UNC79: variants seen among roughly 807,000 people sequenced by gnomAD.
UNC79 encodes the protein unc-79 subunit of NALCN channel complex.
A neutral mutation model predicts 283.1 loss-of-function variants in UNC79; 37 were observed. That is an observed-to-expected ratio of 0.13 (90% CI 0.10 to 0.17). The LOEUF is 0.17. Ranked by LOEUF, UNC79 falls within the 10% of genes least tolerant of loss-of-function variation. UNC79 has a pLI of 1.00. For synonymous variants in UNC79, 1,107 were observed against 1,200.2 expected, an observed-to-expected ratio of 0.92 and a Z score of 1.61; for missense variants, 2,272 against 3,211.1, an observed-to-expected ratio of 0.71 and a Z score of 7.07.
At chr14:93,698,506 G>C (rs1171659106) in intron 47 of UNC79, among the ~76,000 whole-genome samples, 1 of 24,470 alleles carries the variant, frequency 4.1e-5, no homozygotes, top group Admixed American at 6.9e-4. Context: ...TTTTTTTTGA[G>C]ATCAGGTCTT....
At chr14:93,529,852 T>A (rs2060725118) in intron 10 of UNC79, among the ~76,000 whole-genome samples, 1 of 152,224 alleles carries the variant, frequency 6.6e-6, no homozygotes, top group Admixed American at 6.5e-5. Context: ...ATTGCAATGC[T>A]TCTTGTAGTT....
chr14:93,458,875 C>A (rs1201211014), intron 1 of UNC79, among the ~76,000 whole-genome samples: 1 of 152,170 alleles, frequency 6.6e-6, no homozygotes, highest in African/African-American at 2.4e-5. Flanking sequence ...ACTAGATTTG[C>A]ACACATGAAA....
chr14:93,552,283 T>G (rs1045830245), intron 14 of UNC79, among the ~76,000 whole-genome samples: 8 of 152,272 alleles, frequency 5.3e-5, no homozygotes, highest in African/African-American at 1.9e-4. Flanking sequence ...GAAAAACAAC[T>G]GTTAATGGTG....
chr14:93,676,719 A>G (rs1359617341), intron 41 of UNC79, among the ~76,000 whole-genome samples: 1 of 152,252 alleles, frequency 6.6e-6, no homozygotes, highest in Admixed American at 6.5e-5. Flanking sequence ...ACTTGTCACA[A>G]GATGCCAAAA....
chr14:93,584,654 C>T (rs1366030706), intron 20 of UNC79, among the ~76,000 whole-genome samples: 3 of 152,120 alleles, frequency 2.0e-5, no homozygotes, highest in Non-Finnish European at 2.9e-5. Context: ...TTTATCTCTG[C>T]GTAATATTTT....
At chr14:93,610,770 C>T (rs2066245681) in intron 26 of UNC79, among the ~76,000 whole-genome samples, 1 of 151,992 alleles carries the variant, frequency 6.6e-6, no homozygotes, top group African/African-American at 2.4e-5. Flanking sequence ...ACCACCATGT[C>T]CAGCTAATTT....
rs1267942038 is a variant in UNC79, at chr14:93,477,816, A to G, written c.619+88A>G. 7 of 1,283,032 alleles carry G rather than the reference A, an allele frequency of 5.5e-6. No homozygotes were observed. The East Asian group carries it at 1.2e-4, about 22-fold the overall frequency. The allele number at this position is 1,283,032 out of a possible 1,614,324, so 79.5% of individuals were successfully genotyped here. ...TGCTGTTATAGGCTCTAGTTTTTCG[A>G]GATTATAATGGAATCACTTGATATA... On this transcript the variant is annotated intron_variant, in intron 4 of 48. Transcript: ENST00000555664.
At chr14:93,624,467 G>A (rs937509940) in intron 30 of UNC79, among the ~76,000 whole-genome samples, 2 of 152,104 alleles carry the variant, frequency 1.3e-5, no homozygotes, top group East Asian at 3.9e-4. Context: ...TATAGGGCTG[G>A]TGCATACGAA....
chr14:93,623,179 G>T (rs749919698), intron 30 of UNC79, among the ~76,000 whole-genome samples: 2 of 152,188 alleles, frequency 1.3e-5, no homozygotes, highest in African/African-American at 2.4e-5. Flanking sequence ...TCATTAACTT[G>T]AACTCTTTGC....
chr14:93,566,871 CCTCCCAA>C (rs2062925522), intron 14 of UNC79, among the ~76,000 whole-genome samples: 1 of 152,104 alleles, frequency 6.6e-6, no homozygotes, highest in Non-Finnish European at 1.5e-5. Context: ...CCCACCTTGG[CCTCCCAA>C]AGTGCTGGGA....
intron 17 of UNC79, 40 bp from the exon 18 acceptor site, chr14:93,577,802 C>T (rs1417717205): frequency 1.3e-6 from 2 of 1,596,304 alleles, no homozygotes; most frequent in East Asian, 2.2e-5. Flanking sequence ...ATTTGAGCTT[C>T]TGTGAGTTCA....
exon 25 of UNC79, chr14:93,600,652 C>G: frequency 6.2e-7 from 1 of 1,613,676 alleles, no homozygotes; most frequent in Non-Finnish European, 8.5e-7. Context: ...TACTCTTGCA[C>G]TTTCTTAAGC....
At chr14:93,363,959 A>G (rs2054276371) in intron 1 of UNC79, among the ~76,000 whole-genome samples, 1 of 151,984 alleles carries the variant, frequency 6.6e-6, no homozygotes, top group Non-Finnish European at 1.5e-5. Context: ...TGACCTCGTG[A>G]TCTACCTGCC....
intron 14 of UNC79, among the ~76,000 whole-genome samples, chr14:93,544,435 G>C (rs2402306): frequency 2.0e-5 from 3 of 152,020 alleles, no homozygotes; most frequent in Non-Finnish European, 4.4e-5. Flanking sequence ...CTCCCTTTCG[G>C]GGGGGTTAAC....
chr14:93,509,737 A>C (rs1207038110), intron 7 of UNC79, among the ~76,000 whole-genome samples: 1 of 152,166 alleles, frequency 6.6e-6, no homozygotes, highest in Admixed American at 6.5e-5. Flanking sequence ...CATCCTCTGC[A>C]GCTGCTTTCA....
chr14:93,561,453 T>G (rs372640385), intron 14 of UNC79, among the ~76,000 whole-genome samples: 1 of 151,766 alleles, frequency 6.6e-6, no homozygotes, highest in African/African-American at 2.4e-5. Flanking sequence ...TTAAAGGAAG[T>G]TTGGAGGTGT....
chr14:93,376,450 A>T (rs1037735648), intron 1 of UNC79, among the ~76,000 whole-genome samples: 1 of 152,216 alleles, frequency 6.6e-6, no homozygotes, highest in Non-Finnish European at 1.5e-5. Context: ...AAAAAAAATC[A>T]CAGGGGCAAA....
intron 1 of UNC79, among the ~76,000 whole-genome samples, chr14:93,456,135 T>G (rs1221516605): frequency 6.6e-6 from 1 of 152,140 alleles, no homozygotes; most frequent in Non-Finnish European, 1.5e-5. Context: ...TGTGTGGTTT[T>G]CCTTAGGAGC....
chr14:93,383,011 G>T lies in UNC79; in HGVS notation c.-351+49488G>T, dbSNP rs548294004. On this transcript the variant is annotated intron_variant, in intron 1 of 49. Transcript: ENST00000256339. ...ATTATAAAAGAATGGGAATAAAATG[G>T]CTTATTATCTGAAAGGCTAAAGAAA... 2.0e-5 allele frequency among the ~76,000 whole-genome samples: 3 copies of T among 152,256 alleles called. No homozygotes were observed. The South Asian group carries it at 6.2e-4, about 32-fold the overall frequency.
Sources: gnomAD v4.1 joint callset for allele counts (sites outside exome capture counted in the v4.1 genomes callset) on GRCh38, gnomAD v4.1.1 for gene constraint, MANE v1.5 for transcripts, NCBI Gene and HGNC (gene_info 2026-07-23, HGNC 2026-07-21) for gene names.